MCM2: variants seen among roughly 807,000 people sequenced by gnomAD.
The protein encoded by MCM2 is minichromosome maintenance complex component 2, also known as DNA replication licensing factor MCM2.
In MCM2, 49 loss-of-function variants were observed where a neutral mutation model predicts 86.4. The ratio of observed to expected loss-of-function variants is 0.57; its 90% confidence interval spans 0.45 to 0.72. The LOEUF (loss-of-function observed/expected upper bound fraction) is 0.72, where lower values mean the gene tolerates loss of function less well. MCM2 is among the 30% of genes least tolerant of loss of function. MCM2 has a pLI of 0.00. For missense variants in MCM2, 1,038 were observed against 1,259.9 expected (o/e 0.82, Z 2.67); for synonymous variants, 475 against 484.6 (o/e 0.98, Z 0.26).
Position 127,598,557 on chromosome 3 carries a change from G to C in MCM2, c.6+85G>C, listed in dbSNP as rs1259531321. On this transcript the variant is annotated intron_variant, in intron 1 of 15. Coordinates refer to ENST00000265056, the MANE Select transcript of MCM2 (RefSeq NM_004526.4). The stretch of plus-strand genomic sequence containing the variant: ...TTCCCGTACTCTGGCCCCGGCCCAG[G>C]GCGGCGCTCTGGGTGAGGCTGGGCC... 100 of 1,536,594 alleles carry C rather than the reference G, an allele frequency of 6.5e-5. No homozygotes were observed. In the Admixed American group the frequency reaches 8.7e-4, roughly 13 times the overall value.
At position 127,599,493 on chromosome 3, in the gene MCM2, G is replaced by A. The variant is rs778367347; in HGVS notation, c.182G>A (p.Gly61Glu). The change falls in exon 2 of 16, where the codon GGG becomes GAG. Residue 61 changes from glycine (G) to glutamate (E), a missense_variant. Coordinates refer to ENST00000265056, the MANE Select transcript of MCM2 (RefSeq NM_004526.4). ...DESEGLLGTE[G>E]PLEEEEDGEE... ...TCCGAGGGGCTCCTAGGCACAGAGG[G>A]GCCCCTGGAGGAAGAAGAGGATGGA... The A allele has an allele frequency of 9.3e-6, 15 of 1,614,102 alleles. No homozygotes were observed. The highest frequency in any genetic ancestry group is 1.1e-5 in the Non-Finnish European group (13 of 1,179,986).
Position 127,599,539 on chromosome 3 carries a change from C to T in MCM2, c.228C>T (p.Gly76=), listed in dbSNP as rs770134211. ...EEDGEELIGD[G]MERDYRAIPE... ...ATGGAGAGGAGCTCATTGGAGATGG[C>T]ATGGAAAGGTAATTTCATTCAAGGC... The change falls in exon 2 of 16, where the codon GGC becomes GGT. Residue 76 remains glycine, a synonymous_variant. Coordinates refer to ENST00000265056, the MANE Select transcript of MCM2 (RefSeq NM_004526.4). 1.9e-6 allele frequency: 3 copies of T among 1,612,004 alleles called. No individual in the cohort carries two copies. The East Asian group carries it at 6.7e-5, about 36-fold the overall frequency.
chr3:127,610,402 T>A (rs114472393), intron 8 of MCM2, among the ~76,000 whole-genome samples: 147 of 152,304 alleles, frequency 9.7e-4, no homozygotes, highest in African/African-American at 3.4e-3. Context: ...GAGAGCTGTG[T>A]CCAGGCTGCA....
At chr3:127,610,683 G>C in intron 8 of MCM2, 1 of 427,084 alleles carries the variant, frequency 2.3e-6, no homozygotes. Flanking sequence ...GCGTGTCTTT[G>C]CATCCACCGT....
Position 127,608,529 on chromosome 3 carries a change from G to A in MCM2, c.1236+13G>A, listed in dbSNP as rs1259962671. 4 of 1,613,884 alleles carry A rather than the reference G, an allele frequency of 2.5e-6. No homozygotes were observed. Among genetic ancestry groups the A allele is most frequent in the Admixed American group, 3.3e-5 (2 of 60,002 alleles). On this transcript the variant is annotated intron_variant, in intron 7 of 15. Transcript: ENST00000265056. ...AGGAGACGAGATAGTAAGTGGCCGG[G>A]GCAGGCTGGGAGGGAGCCAAGTTGC...
chr3:127,598,798 T>C (rs2074278621), intron 1 of MCM2: 1 of 431,852 alleles, frequency 2.3e-6, no homozygotes. Context: ...TTAAACTTTT[T>C]TTTTTTTTAA....
rs1343071418 is a variant in MCM2 at position 127,606,578 on chromosome 3, C to T, written c.894-32C>T. The stretch of plus-strand genomic sequence containing the variant: ...TCTGCAGCCTGGCCTCACCCTGGCT[C>T]ACGGCTTCTGATGCACCCTCTGCCT... On this transcript the variant is annotated intron_variant, in intron 5 of 15. Coordinates refer to ENST00000265056, the MANE Select transcript of MCM2 (RefSeq NM_004526.4). The surrounding 1 kb of genome is among the most constrained non-coding windows in gnomAD (Gnocchi z 4.2). 1.2e-5 allele frequency: 19 copies of T among 1,599,024 alleles called. No homozygotes were observed. The highest frequency in any genetic ancestry group is 1.5e-5 in the Non-Finnish European group (18 of 1,167,056).
Position 127,619,037 on chromosome 3 carries a change from TGGCCCGCTTCGTGGTG to T in MCM2, c.2028_2043del (p.Arg677AlafsTer39). The T allele has an allele frequency of 6.2e-7, 1 of 1,600,644 alleles. No individual in the cohort carries two copies. Among genetic ancestry groups the T allele is most frequent in the Non-Finnish European group, 8.5e-7 (1 of 1,171,058 alleles). On this transcript the variant is annotated frameshift_variant, in exon 13 of 16. Coordinates refer to ENST00000265056, the MANE Select transcript of MCM2 (RefSeq NM_004526.4). LOFTEE classifies it high-confidence loss of function. ...CATGGCTTATCTTAGGACGAGATGC[TGGCCCGCTTCGTGGTG>T]GGCAGCCACGTCAGACACCACCCCA...
chr3:127,612,081 A>G (rs2107691858), intron 8 of MCM2, among the ~76,000 whole-genome samples: 1 of 152,308 alleles, frequency 6.6e-6, no homozygotes, highest in East Asian at 1.9e-4. Flanking sequence ...AGAAATCCGG[A>G]TGCTTTTTGA....
Position 127,599,367 on chromosome 3 carries a change from G to A in MCM2, c.56G>A (p.Arg19Gln), listed in dbSNP as rs756651624. 3 of 1,614,138 alleles carry A rather than the reference G, an allele frequency of 1.9e-6. No individual in the cohort carries two copies. The highest frequency in any genetic ancestry group is 2.2e-5 in the South Asian group (2 of 91,090). ...GCATCCAGCCCGGCCCAGCGTCGGCGAGGCAATGATCCTCTCACCTCCAGC... is the reference window on the plus strand; with the variant it reads ...GCATCCAGCCCGGCCCAGCGTCGGCAAGGCAATGATCCTCTCACCTCCAGC... Reference protein sequence around the residue: ...TMASSPAQRRRGNDPLTSSPG... With the variant: ...TMASSPAQRRQGNDPLTSSPG... The change falls in exon 2 of 16, where the codon CGA becomes CAA. Residue 19 changes from arginine to glutamine, a missense_variant. Physicochemically the swap from Arg to Gln is conservative, Grantham distance 43. Coordinates refer to ENST00000265056, the MANE Select transcript of MCM2 (RefSeq NM_004526.4).
intron 8 of MCM2, among the ~76,000 whole-genome samples, chr3:127,611,348 T>A (rs2074393349): frequency 1.3e-5 from 2 of 152,218 alleles, no homozygotes; most frequent in South Asian, 4.1e-4. Flanking sequence ...GGAACTCTCT[T>A]CTGGCACCTT....
At position 127,606,304 on chromosome 3, in the gene MCM2, A is replaced by G; in HGVS notation, c.860A>G (p.His287Arg). The change falls in exon 5 of 16, where the codon CAC becomes CGC. Residue 287 changes from histidine to arginine, a missense_variant. This residue lies in a region of MCM2 where 399 missense variants were observed against 507.2 expected (regional missense o/e 0.79). Coordinates refer to ENST00000265056, the MANE Select transcript of MCM2 (RefSeq NM_004526.4). This position sits in a 1 kb window ranked among gnomAD's most constrained non-coding sequence, Gnocchi z 4.2. ...AACCACATCCATGTCCGCATCTCCC[A>G]CCTGCCTCTGGTGGAGGAGCTGCGC... ...ITNHIHVRIS[H>R]LPLVEELRSL... 6.2e-7 allele frequency: 1 copy of G among 1,614,048 alleles called. No individual in the cohort carries two copies. Among genetic ancestry groups the G allele is most frequent in the Non-Finnish European group, 8.5e-7 (1 of 1,180,008 alleles).
In MCM2 at chr3:127,608,834, G is replaced by C; in HGVS notation, c.1239G>C (p.Glu413Asp). 6.2e-7 allele frequency: 1 copy of C among 1,613,990 alleles called. No individual in the cohort carries two copies. The highest frequency in any genetic ancestry group is 2.2e-5 in the East Asian group (1 of 44,870). ...VDSCKPGDEI[E>D]LTGIYHNNYD... ...TCTTGGCCCCTCCCTTTCCCCAGGA[G>C]CTGACTGGCATCTATCACAACAACT... Residue 413 changes from glutamate (E) to aspartate (D), a missense_variant and splice_region_variant, in exon 8 of 16, where the codon GAG (glutamate) becomes GAC (aspartate). Glu to Asp is a conservative substitution (Grantham distance 45, BLOSUM62 2). Transcript: ENST00000265056.
intron 13 of MCM2, 84 bp downstream of exon 13, chr3:127,619,362 G>C: frequency 6.6e-7 from 1 of 1,520,450 alleles, no homozygotes; most frequent in Non-Finnish European, 8.9e-7. Context: ...CGGGGGTGGT[G>C]GTCAGTCAGG....
rs2074429823 is a variant in MCM2, at chr3:127,615,939, G to C, written c.1506G>C (p.Gly502=). Residue 502 remains glycine (G), a synonymous_variant, in exon 9 of 16, where the codon GGG becomes GGC. Coordinates refer to ENST00000265056, the MANE Select transcript of MCM2 (RefSeq NM_004526.4). ...GCCTGGCTCTGGCCCTGTTCGGAGG[G>C]GAGCCCAAAAACCCAGGTGAGCACC... ...KRGLALALFG[G]EPKNPGGKHK... 1 of 1,614,024 alleles carries C rather than the reference G, an allele frequency of 6.2e-7. No individual in the cohort carries two copies. The highest frequency in any genetic ancestry group is 1.1e-5 in the South Asian group (1 of 91,080).
At chr3:127,599,244 CT>C (rs2074284944) in intron 1 of MCM2, 73 bp from the exon 2 acceptor site, 2 of 1,266,558 alleles carry the variant, frequency 1.6e-6, no homozygotes, top group East Asian at 2.3e-5. Flanking sequence ...GGGAAGGCCC[CT>C]GATGGTAAAA....
intron 8 of MCM2, among the ~76,000 whole-genome samples, chr3:127,614,381 CCT>C (rs1179218210): frequency 2.6e-5 from 4 of 152,306 alleles, no homozygotes; most frequent in African/African-American, 4.8e-5. Flanking sequence ...ACCCCTTCCC[CCT>C]GTTTTTTACA....
Position 127,606,160 on chromosome 3 carries a change from C to G in MCM2, c.716C>G (p.Ala239Gly). The G allele has an allele frequency of 6.2e-7, 1 of 1,614,230 alleles. No individual in the cohort carries two copies. Among genetic ancestry groups the G allele is most frequent in the Non-Finnish European group, 8.5e-7 (1 of 1,180,032 alleles). The change falls in exon 5 of 16, where the codon GCC becomes GGC. Residue 239 changes from alanine (A) to glycine (G), a missense_variant. Physicochemically the swap from Ala to Gly is moderately conservative, Grantham distance 60 (BLOSUM62 0). Transcript: ENST00000265056. This position sits in a 1 kb window ranked among gnomAD's most constrained non-coding sequence, Gnocchi z 4.2. ...SLVVNYEDLAAREHVLAYFLP... is the reference protein window; with the variant it reads ...SLVVNYEDLAGREHVLAYFLP... The stretch of plus-strand genomic sequence containing the variant: ...GTGGTGAACTATGAGGACTTGGCAG[C>G]CAGGGAGCACGTGCTGGCCTACTTC...
chr3:127,604,375 T>C, intron 2 of MCM2: 1 of 501,930 alleles, frequency 2.0e-6, no homozygotes, highest in Non-Finnish European at 3.5e-6. Flanking sequence ...TGCCAGCACG[T>C]GGCAGAATTT....
Sources: allele counts gnomAD v4.1 joint callset (sites outside exome capture counted in the v4.1 genomes callset), GRCh38; gene constraint gnomAD v4.1.1; regional missense constraint gnomAD v4.1.1; non-coding constraint Gnocchi (gnomAD v3.1); transcripts MANE v1.5; gene names NCBI Gene and HGNC (gene_info 2026-07-23, HGNC 2026-07-21).